The following TRHDE variants were observed in gnomAD, a reference collection of about 807,000 sequenced individuals.
TRHDE encodes the protein thyrotropin-releasing hormone-degrading ectoenzyme.
A neutral mutation model predicts 125.7 loss-of-function variants in TRHDE; 72 were observed. That is an observed-to-expected ratio of 0.57 (90% CI 0.47 to 0.70). The LOEUF (loss-of-function observed/expected upper bound fraction) is 0.70. TRHDE is among the 30% of genes least tolerant of loss of function. The pLI, the probability that TRHDE is intolerant of heterozygous loss-of-function variation, is 0.00. For synonymous variants in TRHDE, 509 were observed against 509.1 expected (o/e 1.00, Z 0.00); for missense variants, 1,110 against 1,327.1 (o/e 0.84, Z 2.54).
In TRHDE at chr12:72,467,000, T is replaced by C. The variant is rs1265449972; in HGVS notation, c.1316-2758T>C. Among the ~76,000 whole-genome samples the C allele has an allele frequency of 3.3e-5, 5 of 152,342 alleles. 1 individual carries two copies. Among genetic ancestry groups the C allele is most frequent in the African/African-American group, 1.2e-4 (5 of 41,588 alleles). The stretch of plus-strand genomic sequence containing the variant: ...AGAACAAGGCAAAACTGCGTCTATA[T>C]TGAGCAAAGGAGATGCTCAATGAGT... On this transcript the variant is annotated intron_variant, in intron 3 of 18. Coordinates refer to ENST00000261180, the MANE Select transcript of TRHDE (RefSeq NM_013381.3).
intron 1 of TRHDE, among the ~76,000 whole-genome samples, chr12:72,103,490 C>T (rs1244599276): frequency 6.6e-6 from 1 of 151,948 alleles, no homozygotes; most frequent in Non-Finnish European, 1.5e-5. Context: ...CTTACAGCAT[C>T]CCTTGCTGAA....
At chr12:72,316,648 C>A (rs1174730635) in intron 2 of TRHDE, among the ~76,000 whole-genome samples, 2 of 152,142 alleles carry the variant, frequency 1.3e-5, no homozygotes, top group African/African-American at 2.4e-5. Flanking sequence ...TCCATACATG[C>A]TCTTTTGTTT....
chr12:72,432,503 TTATAGGA>T (rs1282976982), intron 3 of TRHDE, among the ~76,000 whole-genome samples: 1 of 152,112 alleles, frequency 6.6e-6, no homozygotes, highest in African/African-American at 2.4e-5. Context: ...TGCCTCAGGG[TTATAGGA>T]CAGCTGCCTT....
intron 3 of TRHDE, among the ~76,000 whole-genome samples, chr12:72,413,998 T>C (rs966172951): frequency 5.3e-5 from 8 of 152,112 alleles, no homozygotes; most frequent in African/African-American, 1.7e-4. Flanking sequence ...AGAGTAAATC[T>C]TTTAAAGTGT....
chr12:72,584,509 T>C (rs1185182535), intron 12 of TRHDE, among the ~76,000 whole-genome samples: 1 of 152,196 alleles, frequency 6.6e-6, no homozygotes, highest in Non-Finnish European at 1.5e-5. Flanking sequence ...TCCTTTAATA[T>C]AACTATAATT....
chr12:72,103,663 G>A (rs559098508), intron 1 of TRHDE, among the ~76,000 whole-genome samples: 58 of 152,212 alleles, frequency 3.8e-4, no homozygotes, highest in African/African-American at 1.3e-3. Context: ...CCCCATTACA[G>A]TATAAGTTCT....
chr12:72,092,378 T>A (rs1874810839), intron 1 of TRHDE, among the ~76,000 whole-genome samples: 1 of 152,164 alleles, frequency 6.6e-6, no homozygotes, highest in African/African-American at 2.4e-5. Flanking sequence ...AAAAAGAAAT[T>A]TATTGGCCCA....
intron 12 of TRHDE, among the ~76,000 whole-genome samples, chr12:72,594,648 C>T (rs1438960251): frequency 1.3e-5 from 2 of 151,870 alleles, no homozygotes; most frequent in African/African-American, 4.8e-5. Context: ...TTTTATAAGG[C>T]AGTTTCATGT....
intron 15 of TRHDE, among the ~76,000 whole-genome samples, chr12:72,648,122 C>T (rs768264763): frequency 2.0e-4 from 30 of 151,902 alleles, no homozygotes; most frequent in Non-Finnish European, 3.1e-4. Context: ...TGTTATATAC[C>T]ACCTTATTAG....
At chr12:72,594,129 C>T (rs2136050816) in intron 12 of TRHDE, among the ~76,000 whole-genome samples, 1 of 152,244 alleles carries the variant, frequency 6.6e-6, no homozygotes, top group South Asian at 2.1e-4. Flanking sequence ...TACAGTCCCA[C>T]CAACAGTGTA....
chr12:72,465,245 G>T (rs1239546543), intron 3 of TRHDE, among the ~76,000 whole-genome samples: 2 of 151,610 alleles, frequency 1.3e-5, no homozygotes, highest in African/African-American at 2.4e-5. Context: ...GTACAGTAAT[G>T]TACAGTAAGC....
In TRHDE at chr12:72,309,133, C is replaced by T. The variant is rs547077403; in HGVS notation, c.1188+22179C>T. 2.6e-5 allele frequency among the ~76,000 whole-genome samples: 4 copies of T among 152,282 alleles called. No homozygotes were observed. The East Asian group carries it at 7.7e-4, about 29-fold the overall frequency. On this transcript the variant is annotated intron_variant, in intron 2 of 18. Transcript: ENST00000261180. ...CGCCCCCAGAAGTTTCTTCTTGCTA[C>T]TCCCTCTGTTTCCAGTCCCCAGCAG...
intron 2 of TRHDE, among the ~76,000 whole-genome samples, chr12:72,300,461 A>G (rs917392383): frequency 2.6e-5 from 4 of 151,502 alleles, no homozygotes; most frequent in African/African-American, 9.7e-5. Flanking sequence ...ATATATATGT[A>G]TTTTATATAC....
chr12:72,465,344 A>T (rs767343626), intron 3 of TRHDE, among the ~76,000 whole-genome samples: 22 of 152,114 alleles, frequency 1.4e-4, no homozygotes, highest in Non-Finnish European at 2.9e-4. Flanking sequence ...CATCACTCCC[A>T]AAAGTTTCCC....
At chr12:72,505,065 T>TA (rs1260422302) in intron 6 of TRHDE, among the ~76,000 whole-genome samples, 36 of 152,064 alleles carry the variant, frequency 2.4e-4, no homozygotes, top group Admixed American at 1.9e-3. Context: ...CAGAAGATTA[T>TA]AAAAAAATAA....
In TRHDE at chr12:72,121,785, A is replaced by G. The variant is rs144032067; in HGVS notation, n.279+16033A>G. On this transcript the variant is annotated intron_variant and non_coding_transcript_variant, in intron 2 of 4. Transcript: ENST00000548156. ...GTTTGGTGTTCCCATGGGGAGAACA[A>G]TTGGTGGTGGCTTCTGTTTGATCAT... Among the ~76,000 whole-genome samples, 1,160 of 147,620 alleles carry G rather than the reference A, an allele frequency of 7.9e-3. 11 individuals are homozygous for G. The highest frequency in any genetic ancestry group is 0.028 in the African/African-American group (1,096 of 39,752).
chr12:72,253,850 A>G (rs533307325), intron 2 of TRHDE: 1 of 152,184 alleles, frequency 6.6e-6, no homozygotes, highest in East Asian at 1.9e-4. Flanking sequence ...TTGGGGGCTT[A>G]TGATGATGAG....
chr12:72,194,582 A>T (rs1877402527), intron 2 of TRHDE, among the ~76,000 whole-genome samples: 1 of 151,988 alleles, frequency 6.6e-6, no homozygotes, highest in Admixed American at 6.6e-5. Flanking sequence ...CTTTATGTCC[A>T]TGAGTACCCA....
rs951468791 is a variant in TRHDE at position 72,581,943 on chromosome 12, A to C, written c.2321+6401A>C. Among the ~76,000 whole-genome samples the C allele has an allele frequency of 3.9e-5, 6 of 152,040 alleles. No homozygotes were observed. The South Asian group carries it at 8.3e-4, about 21-fold the overall frequency. ...TGGTGAAACCCCATCTCTACTAAAA[A>C]TACAAAAAATTAGCCGGGCAAGGTG... On this transcript the variant is annotated intron_variant, in intron 12 of 18. Coordinates refer to ENST00000261180, the MANE Select transcript of TRHDE (RefSeq NM_013381.3).
Sources: gnomAD v4.1 joint callset for allele counts (sites outside exome capture counted in the v4.1 genomes callset) on GRCh38, gnomAD v4.1.1 for gene constraint, MANE v1.5 for transcripts, NCBI Gene and HGNC (gene_info 2026-07-23, HGNC 2026-07-21) for gene names.